The following SLC35F3 variants were observed in gnomAD, a reference collection of about 807,000 sequenced individuals.
SLC35F3 encodes the protein putative thiamine transporter SLC35F3.
Under a neutral mutation model 49.9 loss-of-function variants are expected in SLC35F3, and 25 were observed. The ratio of observed to expected loss-of-function variants is 0.50; its 90% CI spans 0.37 to 0.70. The LOEUF (loss-of-function observed/expected upper bound fraction) is 0.70, where lower values mean the gene tolerates loss of function less well. Ranked by LOEUF, SLC35F3 falls within the 30% of genes least tolerant of loss-of-function variation. SLC35F3 has a pLI of 0.00. For missense variants in SLC35F3, 525 were observed against 639.8 expected, an observed-to-expected ratio of 0.82 and a Z score of 1.94; for synonymous variants, 275 against 265.4, an observed-to-expected ratio of 1.04 and a Z score of -0.35.
chr1:234,108,341 A>T (rs9435503), intron 2 of SLC35F3, among the ~76,000 whole-genome samples: 9,589 of 112,458 alleles, frequency 0.085, 990 homozygotes, highest in African/African-American at 0.22. Context: ...TTATATATAT[A>T]AAAGATATAT....
At chr1:234,171,688 G>C (rs1421972205) in intron 2 of SLC35F3, among the ~76,000 whole-genome samples, 1 of 152,114 alleles carries the variant, frequency 6.6e-6, no homozygotes, top group Admixed American at 6.6e-5. Flanking sequence ...GGAAAGAGAG[G>C]ATAGGGAGGG....
At chr1:233,916,072 T>C (rs566355302) in intron 2 of SLC35F3, among the ~76,000 whole-genome samples, 1 of 152,302 alleles carries the variant, frequency 6.6e-6, no homozygotes, top group African/African-American at 2.4e-5. Flanking sequence ...CTGGTGTGAG[T>C]ACTAAGGAAG....
chr1:234,167,005 A>C (rs1246403901), intron 2 of SLC35F3, among the ~76,000 whole-genome samples: 1 of 152,204 alleles, frequency 6.6e-6, no homozygotes, highest in Non-Finnish European at 1.5e-5. Flanking sequence ...AGGGTGTGCA[A>C]GTAGCCATTT....
At chr1:234,313,332 G>C (rs185441425) in intron 4 of SLC35F3, among the ~76,000 whole-genome samples, 3 of 152,186 alleles carry the variant, frequency 2.0e-5, no homozygotes, top group Admixed American at 6.5e-5. Context: ...GAGCAGAACT[G>C]TCATGGAGAT....
intron 2 of SLC35F3, among the ~76,000 whole-genome samples, chr1:234,216,190 G>A (rs1331316358): frequency 6.6e-6 from 1 of 152,204 alleles, no homozygotes; most frequent in Non-Finnish European, 1.5e-5. Context: ...TTATTTCTCT[G>A]AGGGAAGCAG....
rs1191162658 is a variant in SLC35F3, at chr1:233,905,713, A to G, written c.238A>G (p.Ile80Val). ...GTCCATCGAGGAGCGGATCCTGCGC[A>G]TCACTGGCTACTATGGCTACCAGCC... ...LTSIEERILRITGYYGYQPWA... is the reference protein window; with the variant it reads ...LTSIEERILRVTGYYGYQPWA... The change falls in exon 2 of 8, where the codon ATC (isoleucine) becomes GTC (valine). Residue 80 changes from isoleucine to valine, a missense_variant. By Grantham distance (29) the Ile-to-Val change is conservative. Transcript: ENST00000366618. The G allele has an allele frequency of 6.2e-7, 1 of 1,614,164 alleles. No homozygotes were observed. Among genetic ancestry groups the G allele is most frequent in the Non-Finnish European group, 8.5e-7 (1 of 1,180,012 alleles).
At chr1:234,293,374 G>A (rs1238096202) in intron 3 of SLC35F3, among the ~76,000 whole-genome samples, 2 of 152,218 alleles carry the variant, frequency 1.3e-5, no homozygotes, top group Non-Finnish European at 2.9e-5. Flanking sequence ...GCTGTACCCA[G>A]GAGCTTTCTC....
At chr1:233,943,213 T>G (rs1662456349) in intron 2 of SLC35F3, among the ~76,000 whole-genome samples, 1 of 152,200 alleles carries the variant, frequency 6.6e-6, no homozygotes, top group Non-Finnish European at 1.5e-5. Context: ...ACAAGGTGAT[T>G]TACCTTATTT....
chr1:234,136,256 T>C (rs932735238), intron 2 of SLC35F3, among the ~76,000 whole-genome samples: 1 of 122,008 alleles, frequency 8.2e-6, no homozygotes, highest in East Asian at 7.1e-4. Flanking sequence ...CTCTTTCTTT[T>C]TCTGTCTTTC....
intron 2 of SLC35F3, among the ~76,000 whole-genome samples, chr1:234,043,328 C>T (rs942347083): frequency 2.6e-5 from 4 of 152,154 alleles, no homozygotes; most frequent in Non-Finnish European, 5.9e-5. Flanking sequence ...TTATAACTAT[C>T]ATTATTTACA....
At position 233,994,318 on chromosome 1, in the gene SLC35F3, G is replaced by A. The variant is rs74615045; in HGVS notation, c.283+88560G>A. Reference sequence around the variant, plus strand: ...TTATTATGCCCATTTTACAGATGAGGAAACTGAGGATGAGAAAGGTTATCC... The same window carrying A: ...TTATTATGCCCATTTTACAGATGAGAAAACTGAGGATGAGAAAGGTTATCC... On this transcript the variant is annotated intron_variant, in intron 2 of 7. Transcript: ENST00000366618. Among the ~76,000 whole-genome samples the A allele has an allele frequency of 0.016, 2,365 of 152,256 alleles. 88 individuals are homozygous for A. The East Asian group carries it at 0.16, about 10-fold the overall frequency.
chr1:234,165,709 G>A (rs574961751), intron 2 of SLC35F3, among the ~76,000 whole-genome samples: 209 of 152,050 alleles, frequency 1.4e-3, no homozygotes, highest in Non-Finnish European at 2.5e-3. Flanking sequence ...TTTTAATTTT[G>A]ATTTTTTTAT....
chr1:234,313,598 C>T (rs1657412334), intron 4 of SLC35F3, among the ~76,000 whole-genome samples: 1 of 151,994 alleles, frequency 6.6e-6, no homozygotes, highest in Non-Finnish European at 1.5e-5. Flanking sequence ...CCGTGGGGAG[C>T]ATTGAGGGCT....
chr1:234,306,166 T>A (rs1343132912), intron 3 of SLC35F3, among the ~76,000 whole-genome samples: 1 of 152,176 alleles, frequency 6.6e-6, no homozygotes, highest in Non-Finnish European at 1.5e-5. Context: ...TTTTTTTGTT[T>A]GTTTGTTTTT....
At chr1:234,018,897 G>T (rs141139015) in intron 2 of SLC35F3, among the ~76,000 whole-genome samples, 1 of 152,168 alleles carries the variant, frequency 6.6e-6, no homozygotes, top group Non-Finnish European at 1.5e-5. Flanking sequence ...TTGGGTGTGC[G>T]CACTGAGTAC....
intron 2 of SLC35F3, among the ~76,000 whole-genome samples, chr1:234,166,150 T>C (rs1027278501): frequency 1.3e-5 from 2 of 152,186 alleles, no homozygotes; most frequent in Non-Finnish European, 2.9e-5. Flanking sequence ...TGAACTGAAT[T>C]TTTTAATAGA....
intron 3 of SLC35F3, among the ~76,000 whole-genome samples, chr1:234,291,585 TACC>T (rs1270043231): frequency 6.6e-6 from 1 of 152,150 alleles, no homozygotes. Flanking sequence ...TACAGGCACG[TACC>T]ACCACAAGTG....
intron 2 of SLC35F3, among the ~76,000 whole-genome samples, chr1:233,985,016 G>GA (rs34725210): frequency 0.13 from 19,147 of 152,092 alleles, 1,536 homozygotes; most frequent in Non-Finnish European, 0.18. Context: ...GCAGGGGTTG[G>GA]GGGGGTGCCC....
intron 2 of SLC35F3, among the ~76,000 whole-genome samples, chr1:234,156,053 C>T (rs922096560): frequency 1.3e-5 from 2 of 151,830 alleles, no homozygotes; most frequent in Admixed American, 1.3e-4. Context: ...ATAACATATA[C>T]AAATCAAAAG....
Sources: gnomAD v4.1 joint callset for allele counts (sites outside exome capture counted in the v4.1 genomes callset) on GRCh38, gnomAD v4.1.1 for gene constraint, MANE v1.5 for transcripts, NCBI Gene and HGNC (gene_info 2026-07-23, HGNC 2026-07-21) for gene names.